The following FARS2 variants were observed in gnomAD, a reference collection of about 807,000 sequenced individuals.
FARS2 encodes the protein phenylalanine--tRNA ligase, mitochondrial.
FARS2 carries 40 observed loss-of-function variants against 46.4 expected under a neutral mutation model. The ratio of observed to expected loss-of-function variants is 0.86; its 90% CI spans 0.67 to 1.12. The LOEUF (loss-of-function observed/expected upper bound fraction) is 1.12. Among genes scored for constraint, FARS2 ranks in the 50% most tolerant of loss-of-function variants. FARS2 has a pLI of 0.00. For synonymous variants in FARS2, 234 were observed against 214.9 expected (o/e 1.09, Z -0.78); for missense variants, 513 against 567.9 (o/e 0.90, Z 0.98).
At chr6:5,671,980 A>G (rs554812231) in intron 6 of FARS2, among the ~76,000 whole-genome samples, 1 of 152,326 alleles carries the variant, frequency 6.6e-6, no homozygotes, top group East Asian at 1.9e-4. Flanking sequence ...ACATTGTCCT[A>G]CTTTTCCACA....
intron 5 of FARS2, chr6:5,610,307 T>G (rs1424973127): frequency 4.6e-6 from 1 of 216,582 alleles, no homozygotes; most frequent in Admixed American, 6.7e-5. Flanking sequence ...TTTTCAATTC[T>G]TTTTAAAAAA....
intron 5 of FARS2, among the ~76,000 whole-genome samples, chr6:5,557,882 C>CT (rs1219536068): frequency 6.6e-6 from 1 of 152,064 alleles, no homozygotes; most frequent in Non-Finnish European, 1.5e-5. Context: ...CTATGGAACA[C>CT]TTTTTTCGGT....
At chr6:5,616,671 A>C (rs1412376204) in intron 6 of FARS2, among the ~76,000 whole-genome samples, 1 of 152,254 alleles carries the variant, frequency 6.6e-6, no homozygotes, top group Non-Finnish European at 1.5e-5. Flanking sequence ...TATATTGAAT[A>C]ATCAGAAAGC....
chr6:5,379,404 A>G (rs1759605882), intron 2 of FARS2, among the ~76,000 whole-genome samples: 1 of 152,226 alleles, frequency 6.6e-6, no homozygotes, highest in African/African-American at 2.4e-5. Context: ...TAATGTAAAG[A>G]ATTACAAACT....
intron 4 of FARS2, among the ~76,000 whole-genome samples, chr6:5,514,638 T>C (rs1385652733): frequency 6.6e-6 from 1 of 152,226 alleles, no homozygotes; most frequent in Non-Finnish European, 1.5e-5. Context: ...GAGAATTTTC[T>C]CTGAAATTGA....
At chr6:5,706,229 G>T (rs991680323) in intron 6 of FARS2, among the ~76,000 whole-genome samples, 2 of 152,158 alleles carry the variant, frequency 1.3e-5, no homozygotes, top group African/African-American at 4.8e-5. Context: ...CAGAACTCAG[G>T]TGGTTATGCT....
intron 6 of FARS2, among the ~76,000 whole-genome samples, chr6:5,770,388 G>A (rs1762972793): frequency 6.7e-6 from 1 of 148,674 alleles, no homozygotes; most frequent in Non-Finnish European, 1.5e-5. Flanking sequence ...GGATTGGGTT[G>A]CCTCTGTTGT....
At chr6:5,399,424 C>CA (rs1761120215) in intron 2 of FARS2, among the ~76,000 whole-genome samples, 1 of 152,004 alleles carries the variant, frequency 6.6e-6, no homozygotes, top group South Asian at 2.1e-4. Context: ...GATCCTCCTG[C>CA]CTTGGCCTCC....
chr6:5,287,392 T>G (rs1207232336), intron 1 of FARS2, among the ~76,000 whole-genome samples: 9 of 152,164 alleles, frequency 5.9e-5, no homozygotes, highest in Admixed American at 5.9e-4. Context: ...GGAGGTGTCC[T>G]CAGCCCATCC....
At chr6:5,656,109 ACT>A (rs762438132) in intron 6 of FARS2, among the ~76,000 whole-genome samples, 4 of 151,642 alleles carry the variant, frequency 2.6e-5, no homozygotes, top group Non-Finnish European at 4.4e-5. Flanking sequence ...TTTCTTGGAA[ACT>A]CTCCTTTCAT....
chr6:5,635,739 G>A (rs750785334), intron 6 of FARS2, among the ~76,000 whole-genome samples: 104 of 152,134 alleles, frequency 6.8e-4, no homozygotes, highest in Non-Finnish European at 9.1e-4. Context: ...TGTTTCCCCA[G>A]GTTTTGATTT....
At chr6:5,320,633 A>C (rs1769902099) in intron 1 of FARS2, among the ~76,000 whole-genome samples, 1 of 152,204 alleles carries the variant, frequency 6.6e-6, no homozygotes, top group African/African-American at 2.4e-5. Flanking sequence ...GTTAGAAAAT[A>C]ATTGATGTAT....
At chr6:5,373,282 A>G (rs1759171465) in intron 2 of FARS2, among the ~76,000 whole-genome samples, 1 of 152,148 alleles carries the variant, frequency 6.6e-6, no homozygotes, top group African/African-American at 2.4e-5. Flanking sequence ...CTAGGAAAAC[A>G]GTGGATCTCT....
chr6:5,563,094 G>T (rs974194943), intron 5 of FARS2, among the ~76,000 whole-genome samples: 1 of 151,912 alleles, frequency 6.6e-6, no homozygotes, highest in Non-Finnish European at 1.5e-5. Context: ...AGGGAGGGGG[G>T]CTCCAAAGCC....
intron 4 of FARS2, among the ~76,000 whole-genome samples, chr6:5,508,274 A>G (rs1768219669): frequency 6.6e-6 from 1 of 152,246 alleles, no homozygotes; most frequent in Non-Finnish European, 1.5e-5. Context: ...GAGACCTAGT[A>G]TAGTTTTGGA....
At chr6:5,341,062 C>T (rs62386865) in intron 1 of FARS2, among the ~76,000 whole-genome samples, 6 of 150,386 alleles carry the variant, frequency 4.0e-5, no homozygotes, top group African/African-American at 7.3e-5. Context: ...GCAGGAGAAT[C>T]GCTTGAACCA....
At chr6:5,547,184 TCA>T (rs1215552901) in intron 5 of FARS2, among the ~76,000 whole-genome samples, 18 of 151,996 alleles carry the variant, frequency 1.2e-4, no homozygotes, top group Non-Finnish European at 2.2e-4. Flanking sequence ...ACTCCTGACC[TCA>T]GGTGATCTGC....
intron 4 of FARS2, among the ~76,000 whole-genome samples, chr6:5,440,043 C>T (rs1259128479): frequency 2.6e-5 from 4 of 152,056 alleles, no homozygotes; most frequent in Non-Finnish European, 5.9e-5. Context: ...GCCTTTTTCC[C>T]TTTTCAAAAC....
intron 4 of FARS2, among the ~76,000 whole-genome samples, chr6:5,535,573 T>C (rs1770142234): frequency 6.6e-6 from 1 of 152,218 alleles, no homozygotes; most frequent in African/African-American, 2.4e-5. Flanking sequence ...GTGAGCATCT[T>C]TGTCTTGTTC....
Sources: allele counts gnomAD v4.1 joint callset (sites outside exome capture counted in the v4.1 genomes callset), GRCh38; gene constraint gnomAD v4.1.1; transcripts MANE v1.5; gene names NCBI Gene and HGNC (gene_info 2026-07-23, HGNC 2026-07-21).